C9orf85: variants seen among roughly 807,000 people sequenced by gnomAD.
C9orf85 encodes the protein chromosome 9 open reading frame 85, also known as uncharacterized protein C9orf85.
Under a neutral mutation model 14.9 loss-of-function variants are expected in C9orf85, and 16 were observed. The ratio of observed to expected loss-of-function variants is 1.08; its 90% CI spans 0.73 to 1.63. C9orf85 has a LOEUF of 1.63. C9orf85 is among the 40% of genes most tolerant of loss of function. The pLI is 0.00. For synonymous variants in C9orf85, 45 were observed against 56.8 expected, an observed-to-expected ratio of 0.79 and a Z score of 0.93; for missense variants, 172 against 186.1, an observed-to-expected ratio of 0.92 and a Z score of 0.44.
chr9:71,976,118 T>C (rs1822991282), downstream of C9orf85, among the ~76,000 whole-genome samples: 1 of 152,222 alleles, frequency 6.6e-6, no homozygotes, highest in Non-Finnish European at 1.5e-5. Flanking sequence ...TTATATTTAG[T>C]TCCTCTACAT....
chr9:71,930,222 A>G (rs1201346142), intron 1 of C9orf85, among the ~76,000 whole-genome samples: 1 of 152,184 alleles, frequency 6.6e-6, no homozygotes, highest in Non-Finnish European at 1.5e-5. Context: ...TTCCATGCAC[A>G]TAAAATCACT....
intron 2 of C9orf85, among the ~76,000 whole-genome samples, chr9:71,948,816 C>A (rs912826992): frequency 8.1e-4 from 82 of 100,958 alleles, no homozygotes; most frequent in African/African-American, 3.0e-3. Context: ...GAGCCACGCC[C>A]CCCCCCCCCC....
chr9:71,936,222 C>G (rs1828187899), intron 1 of C9orf85, among the ~76,000 whole-genome samples: 1 of 151,988 alleles, frequency 6.6e-6, no homozygotes, highest in Non-Finnish European at 1.5e-5. Flanking sequence ...TCTGAGACAT[C>G]AGAACTTCCA....
Position 71,920,048 on chromosome 9 carries a change from A to G in C9orf85, c.102+8212A>G, listed in dbSNP as rs142842398. Among the ~76,000 whole-genome samples, 1,379 of 151,912 alleles carry G rather than the reference A, an allele frequency of 9.1e-3. 20 individuals are homozygous for G. The highest frequency in any genetic ancestry group is 0.031 in the African/African-American group (1,278 of 41,444). ...TAGTTTTTAGTAGAGACGGGGTTTC[A>G]CCATGCTGGCCAGGACAGTCTCGAT... On this transcript the variant is annotated intron_variant, in intron 1 of 3. Coordinates refer to ENST00000334731, the MANE Select transcript of C9orf85 (RefSeq NM_182505.5).
intron 1 of C9orf85, among the ~76,000 whole-genome samples, chr9:71,916,883 C>T (rs1450175506): frequency 6.6e-6 from 1 of 152,130 alleles, no homozygotes; most frequent in Non-Finnish European, 1.5e-5. Flanking sequence ...TATTTGTGTA[C>T]TTAAGTGTAT....
intron 2 of C9orf85, among the ~76,000 whole-genome samples, chr9:71,950,240 T>C (rs1822209901): frequency 6.6e-6 from 1 of 152,224 alleles, no homozygotes; most frequent in South Asian, 2.1e-4. Context: ...TTGTAAGGGA[T>C]TTGAATCCAT....
At chr9:71,958,377 C>T (rs1018785415) in intron 2 of C9orf85, among the ~76,000 whole-genome samples, 8 of 151,480 alleles carry the variant, frequency 5.3e-5, no homozygotes, top group African/African-American at 1.7e-4. Context: ...ATTCTCCAGC[C>T]TCAGCCTCCT....
chr9:71,950,516 C>T (rs1038681978), intron 2 of C9orf85, among the ~76,000 whole-genome samples: 11 of 152,042 alleles, frequency 7.2e-5, no homozygotes, highest in African/African-American at 2.7e-4. Context: ...TACAGGCACA[C>T]ACATGCCACT....
chr9:71,938,302 A>T (rs1828240506), intron 1 of C9orf85, among the ~76,000 whole-genome samples: 1 of 152,078 alleles, frequency 6.6e-6, no homozygotes. Flanking sequence ...AAAAAATCTT[A>T]ACTGCCAGGA....
intron 1 of C9orf85, among the ~76,000 whole-genome samples, chr9:71,913,896 TC>T (rs55826388): frequency 0.94 from 142,380 of 152,204 alleles, 67,255 homozygotes; most frequent in East Asian, 1. Context: ...TATCTTTAAT[TC>T]CTTTCCCTCT....
At chr9:71,970,584 C>T (rs925239787) in intron 2 of C9orf85, among the ~76,000 whole-genome samples, 1 of 152,130 alleles carries the variant, frequency 6.6e-6, no homozygotes, top group African/African-American at 2.4e-5. Context: ...GTCAGTACTA[C>T]ACAGTCTGGG....
At chr9:71,912,798 C>T (rs1165132636) in intron 1 of C9orf85, among the ~76,000 whole-genome samples, 1 of 152,100 alleles carries the variant, frequency 6.6e-6, no homozygotes, top group African/African-American at 2.4e-5. Context: ...GCAGGGGAAT[C>T]GCTTGAACCC....
chr9:71,952,531 A>AT (rs1384399239), intron 2 of C9orf85, among the ~76,000 whole-genome samples: 1 of 151,730 alleles, frequency 6.6e-6, no homozygotes, highest in East Asian at 1.9e-4. Flanking sequence ...CACCCGGCTA[A>AT]TTTTTTTTGT....
At chr9:71,923,003 G>A (rs1206948782) in intron 1 of C9orf85, among the ~76,000 whole-genome samples, 8 of 152,112 alleles carry the variant, frequency 5.3e-5, no homozygotes, top group East Asian at 1.9e-4. Context: ...GGTGGTGCAC[G>A]CCTGTAACCC....
chr9:71,960,011 ATT>A (rs1822475396), intron 2 of C9orf85, among the ~76,000 whole-genome samples: 2 of 152,250 alleles, frequency 1.3e-5, no homozygotes, highest in Non-Finnish European at 2.9e-5. Context: ...TTTACCATCT[ATT>A]TGGAGAGAGA....
chr9:71,962,018 T>C (rs1589267521), intron 2 of C9orf85, among the ~76,000 whole-genome samples: 1 of 152,088 alleles, frequency 6.6e-6, no homozygotes, highest in South Asian at 2.1e-4. Context: ...TAGAAAAAAT[T>C]AGCTAGGCGT....
chr9:71,932,780 A>C (rs1434590403), intron 1 of C9orf85, among the ~76,000 whole-genome samples: 1 of 152,170 alleles, frequency 6.6e-6, no homozygotes, highest in Non-Finnish European at 1.5e-5. Context: ...AATCAACAGA[A>C]ACTGCCTCTG....
intron 1 of C9orf85, 179 bp downstream of exon 1, chr9:71,912,015 A>G (rs750805817): frequency 3.0e-6 from 2 of 670,614 alleles, no homozygotes; most frequent in Non-Finnish European, 5.5e-6. Context: ...TGACCTGGAC[A>G]TGTTGTCTCC....
At chr9:71,915,704 T>TGACTATATC (rs1564080681) in intron 1 of C9orf85, among the ~76,000 whole-genome samples, 2 of 152,204 alleles carry the variant, frequency 1.3e-5, no homozygotes, top group Non-Finnish European at 2.9e-5. Context: ...TGTTAACACT[T>TGACTATATC]TGATGTGTAC....
Sources: gnomAD v4.1 joint callset for allele counts (sites outside exome capture counted in the v4.1 genomes callset) on GRCh38, gnomAD v4.1.1 for gene constraint, MANE v1.5 for transcripts, NCBI Gene and HGNC (gene_info 2026-07-23, HGNC 2026-07-21) for gene names.